Variants in LRMDA observed in about 807,000 individuals in gnomAD.
LRMDA encodes the protein leucine-rich melanocyte differentiation-associated protein.
In LRMDA, 18 loss-of-function variants were observed where a neutral mutation model predicts 29.8. The observed-to-expected ratio is 0.60, with a 90% confidence interval of 0.42 to 0.90. The LOEUF (loss-of-function observed/expected upper bound fraction) is 0.90. Among genes scored for constraint, LRMDA ranks in the 40% least tolerant of loss-of-function variants. LRMDA has a pLI of 0.00. For missense variants in LRMDA, 273 were observed against 273.9 expected, an observed-to-expected ratio of 1.00 and a Z score of 0.02; for synonymous variants, 125 against 109.4, an observed-to-expected ratio of 1.14 and a Z score of -0.89.
At chr10:75,895,064 T>G (rs182139733) in intron 2 of LRMDA, among the ~76,000 whole-genome samples, 30 of 152,256 alleles carry the variant, frequency 2.0e-4, no homozygotes, top group African/African-American at 6.3e-4. Context: ...TCAGAAGAAC[T>G]TGAAGTCCTG....
At chr10:75,838,250 A>G (rs1265999122) in intron 2 of LRMDA, among the ~76,000 whole-genome samples, 1 of 152,234 alleles carries the variant, frequency 6.6e-6, no homozygotes, top group East Asian at 1.9e-4. Flanking sequence ...TTTGCAATGC[A>G]TGCTGAGTCA....
chr10:75,459,633 GA>G (rs942623478), intron 2 of LRMDA, among the ~76,000 whole-genome samples: 1 of 152,208 alleles, frequency 6.6e-6, no homozygotes, highest in Non-Finnish European at 1.5e-5. Flanking sequence ...CAAAAACAGT[GA>G]AACTATTCAG....
chr10:75,714,665 G>C (rs541146573), intron 2 of LRMDA, among the ~76,000 whole-genome samples: 1 of 152,140 alleles, frequency 6.6e-6, no homozygotes, highest in African/African-American at 2.4e-5. Context: ...TGGGCATTTA[G>C]GCTACTTAAA....
chr10:76,283,445 C>T (rs1367290082), intron 5 of LRMDA, among the ~76,000 whole-genome samples: 3 of 152,044 alleles, frequency 2.0e-5, no homozygotes, highest in Non-Finnish European at 2.9e-5. Context: ...AGGGACAGAT[C>T]GGATTTCAAG....
chr10:75,970,115 T>C (rs1273506275), intron 2 of LRMDA, among the ~76,000 whole-genome samples: 1 of 152,232 alleles, frequency 6.6e-6, no homozygotes, highest in African/African-American at 2.4e-5. Flanking sequence ...CTCTGGATAC[T>C]TGTATCCACT....
intron 2 of LRMDA, among the ~76,000 whole-genome samples, chr10:75,924,447 T>C (rs1326232499): frequency 6.6e-6 from 1 of 152,046 alleles, no homozygotes; most frequent in Non-Finnish European, 1.5e-5. Context: ...TTAAAACTGA[T>C]GGATGGCTTG....
intron 6 of LRMDA, among the ~76,000 whole-genome samples, chr10:76,460,209 C>G (rs1017899360): frequency 1.3e-5 from 2 of 152,162 alleles, no homozygotes; most frequent in Non-Finnish European, 2.9e-5. Flanking sequence ...TTTGAAAAAG[C>G]CCCAGTGTTC....
chr10:75,791,423 T>A, intron 2 of LRMDA, among the ~76,000 whole-genome samples: 1 of 152,188 alleles, frequency 6.6e-6, no homozygotes, highest in Non-Finnish European at 1.5e-5. Flanking sequence ...TATCATTATT[T>A]TTTAATAAAG....
chr10:75,631,221 C>G (rs1464389551), intron 2 of LRMDA, among the ~76,000 whole-genome samples: 2 of 152,136 alleles, frequency 1.3e-5, no homozygotes, highest in Admixed American at 6.5e-5. Flanking sequence ...CCCAAGACCT[C>G]GTACTCCTCA....
chr10:76,555,499 G>A (rs1843545035), intron 6 of LRMDA, among the ~76,000 whole-genome samples: 1 of 152,086 alleles, frequency 6.6e-6, no homozygotes, highest in South Asian at 2.1e-4. Flanking sequence ...TGAGGCCGTG[G>A]AACAATGTCA....
At chr10:76,523,166 AG>A (rs1264699838) in intron 6 of LRMDA, among the ~76,000 whole-genome samples, 1 of 150,816 alleles carries the variant, frequency 6.6e-6, no homozygotes, top group Admixed American at 6.6e-5. Context: ...CTGGGCACTT[AG>A]CTCTCCACTT....
intron 2 of LRMDA, among the ~76,000 whole-genome samples, chr10:75,640,385 T>A (rs1221535063): frequency 6.6e-6 from 1 of 152,144 alleles, no homozygotes; most frequent in Non-Finnish European, 1.5e-5. Context: ...GAAATACTAA[T>A]CAGCAGACAG....
intron 2 of LRMDA, among the ~76,000 whole-genome samples, chr10:75,852,548 A>G (rs953770223): frequency 6.6e-6 from 1 of 152,110 alleles, no homozygotes; most frequent in African/African-American, 2.4e-5. Flanking sequence ...ACAACAAAAA[A>G]AACAACAAAA....
intron 6 of LRMDA, chr10:76,433,675 T>G (rs562640941): frequency 1.3e-5 from 2 of 152,376 alleles, no homozygotes; most frequent in African/African-American, 2.4e-5. Context: ...GAGTATTGAC[T>G]GAAGCCATGG....
At chr10:75,976,748 A>T (rs1847078446) in intron 2 of LRMDA, among the ~76,000 whole-genome samples, 1 of 152,130 alleles carries the variant, frequency 6.6e-6, no homozygotes, top group African/African-American at 2.4e-5. Context: ...GAGGAAACTG[A>T]GGTATGGAGG....
intron 2 of LRMDA, among the ~76,000 whole-genome samples, chr10:75,833,690 T>A (rs1037597198): frequency 5.9e-5 from 9 of 152,142 alleles, no homozygotes; most frequent in African/African-American, 2.2e-4. Flanking sequence ...TCTCAATAAT[T>A]TAAATCAAGT....
At chr10:75,622,068 C>T (rs990595599) in intron 2 of LRMDA, among the ~76,000 whole-genome samples, 8 of 152,188 alleles carry the variant, frequency 5.3e-5, no homozygotes, top group Admixed American at 2.6e-4. Flanking sequence ...CAATTGCCTA[C>T]AGCTCAGGCG....
At chr10:76,134,447 AACAAAAAATATCACCTCGCATAT>A (rs1274058987) in intron 5 of LRMDA, among the ~76,000 whole-genome samples, 10 of 152,202 alleles carry the variant, frequency 6.6e-5, no homozygotes, top group Non-Finnish European at 1.2e-4. Flanking sequence ...CTAACATGGG[AACAAAAAATATCACCTCGCATAT>A]GGCTGTCTTC....
At chr10:75,614,975 C>T (rs1277770124) in intron 2 of LRMDA, among the ~76,000 whole-genome samples, 1 of 152,102 alleles carries the variant, frequency 6.6e-6, no homozygotes, top group African/African-American at 2.4e-5. Flanking sequence ...TTGGGGACTC[C>T]CTCACTGCTA....
Sources: gnomAD v4.1 joint callset for allele counts (sites outside exome capture counted in the v4.1 genomes callset) on GRCh38, gnomAD v4.1.1 for gene constraint, MANE v1.5 for transcripts, NCBI Gene and HGNC (gene_info 2026-07-23, HGNC 2026-07-21) for gene names.